The following PPM1B variants were observed in gnomAD, a reference collection of about 807,000 sequenced individuals.
PPM1B encodes protein phosphatase 1B.
In PPM1B, 22 loss-of-function variants were observed where a neutral mutation model predicts 43.0. The ratio of observed to expected loss-of-function variants is 0.51; its 90% confidence interval spans 0.37 to 0.73. PPM1B has a LOEUF of 0.73. Ranked by LOEUF, PPM1B falls within the 30% of genes least tolerant of loss-of-function variation. PPM1B has a pLI of 0.00. For missense variants in PPM1B, 632 were observed against 584.2 expected, an observed-to-expected ratio of 1.08 and a Z score of -0.84; for synonymous variants, 217 against 197.9, an observed-to-expected ratio of 1.10 and a Z score of -0.81.
intron 1 of PPM1B, among the ~76,000 whole-genome samples, chr2:44,192,190 G>GGTATTGTATT (rs147906873): frequency 0.22 from 31,147 of 143,408 alleles, 3,572 homozygotes; most frequent in East Asian, 0.26. Flanking sequence ...GTTATGTTAT[G>GGTATTGTATT]GTATTGTATT....
chr2:44,229,980 C>T (rs780125129), intron 5 of PPM1B: 1 of 1,569,216 alleles, frequency 6.4e-7, no homozygotes, highest in East Asian at 2.3e-5. Flanking sequence ...TTTTGTATTT[C>T]CTACTTATTT....
downstream of PPM1B, among the ~76,000 whole-genome samples, chr2:44,246,317 G>C (rs555028315): frequency 1.4e-4 from 22 of 152,138 alleles, no homozygotes; most frequent in African/African-American, 5.3e-4. Context: ...TTGGTGTTTT[G>C]GTTAACCTAT....
intron 1 of PPM1B, among the ~76,000 whole-genome samples, chr2:44,179,991 A>G (rs1667786129): frequency 6.7e-6 from 1 of 149,564 alleles, no homozygotes; most frequent in Non-Finnish European, 1.5e-5. Context: ...CCTGGGCAAC[A>G]AGAGCGAAAC....
intron 1 of PPM1B, among the ~76,000 whole-genome samples, chr2:44,186,904 A>C (rs1668151352): frequency 6.6e-6 from 1 of 152,242 alleles, no homozygotes; most frequent in Admixed American, 6.5e-5. Context: ...ACATAATACA[A>C]CATAACCATC....
At chr2:44,208,541 C>T (rs1669301558) in intron 2 of PPM1B, among the ~76,000 whole-genome samples, 1 of 151,928 alleles carries the variant, frequency 6.6e-6, no homozygotes, top group South Asian at 2.1e-4. Context: ...GGTGAAACCC[C>T]ATCTCTACTA....
At chr2:44,199,322 A>AT (rs1668818497) in intron 1 of PPM1B, among the ~76,000 whole-genome samples, 1 of 98,324 alleles carries the variant, frequency 1.0e-5, no homozygotes, top group African/African-American at 4.4e-5. Flanking sequence ...AAAAAATAAA[A>AT]ATAAAAAAAA....
In PPM1B at chr2:44,230,450, A is replaced by C; in HGVS notation, c.1172A>C (p.Lys391Thr). 2 of 1,614,180 alleles carry C rather than the reference A, an allele frequency of 1.2e-6. No individual in the cohort carries two copies. The highest frequency in any genetic ancestry group is 1.7e-6 in the Non-Finnish European group (2 of 1,180,014). ...DEAEESGSQG[K>T]LVEALRQMRI... is the part of the protein sequence containing the mutation. ...GCAGAGGAAAGTGGATCACAGGGAA[A>C]ATTGGTGGAAGCTCTCAGGCAAATG... Residue 391 changes from lysine (K) to threonine (T), a missense_variant, in exon 6 of 6, where the codon AAA becomes ACA. This residue lies in a region of PPM1B where 392 missense variants were observed against 302.7 expected (regional missense o/e 1.29). Transcript: ENST00000282412.
chr2:44,245,527 TCA>T (rs1319262542), downstream of PPM1B, among the ~76,000 whole-genome samples: 2 of 152,178 alleles, frequency 1.3e-5, no homozygotes, highest in Non-Finnish European at 2.9e-5. Flanking sequence ...TTGATCTGAG[TCA>T]CATATGCTAA....
chr2:44,223,385 G>A (rs7609313), intron 5 of PPM1B, among the ~76,000 whole-genome samples: 37,792 of 151,956 alleles, frequency 0.25, 5,758 homozygotes, highest in African/African-American at 0.43. Flanking sequence ...TACTTTAAAC[G>A]GATAAATGCA....
rs1255992393 is a variant in PPM1B, at chr2:44,231,327, GAAA to G, written c.*612_*614del. On this transcript the variant is annotated 3_prime_UTR_variant, in exon 6 of 6. Transcript: ENST00000282412. Reference sequence around the variant, plus strand: ...GTATTCTTTATGAAACATAACTTTTGAAAAACCTATGTATTATTCATACAGCTT... The same window carrying G: ...GTATTCTTTATGAAACATAACTTTTGAACCTATGTATTATTCATACAGCTT... The G allele has an allele frequency of 1.0e-6, 1 of 979,762 alleles. No individual in the cohort carries two copies. The highest frequency in any genetic ancestry group is 1.2e-6 in the Non-Finnish European group (1 of 825,042). 60.7% of individuals were successfully genotyped at this position (979,762 alleles called of 1,614,324 possible).
intron 1 of PPM1B, among the ~76,000 whole-genome samples, chr2:44,180,445 A>G (rs1667820098): frequency 6.6e-6 from 1 of 152,204 alleles, no homozygotes; most frequent in Non-Finnish European, 1.5e-5. Context: ...CAGCAGAAAT[A>G]AAATTGCTGG....
intron 3 of PPM1B, chr2:44,213,718 A>G (rs1041408235): frequency 6.6e-6 from 1 of 152,184 alleles, no homozygotes; most frequent in Admixed American, 6.5e-5. Flanking sequence ...TTGAGTTTCA[A>G]TGAGTCCTGC....
chr2:44,218,637 T>A, intron 5 of PPM1B, 100 bp downstream of exon 5: 10 of 815,860 alleles, frequency 1.2e-5, no homozygotes, highest in South Asian at 3.5e-5. Flanking sequence ...TAAATTATAG[T>A]CTGTAGTAAA....
intron 1 of PPM1B, among the ~76,000 whole-genome samples, chr2:44,200,574 A>G (rs1204642836): frequency 6.6e-6 from 1 of 152,200 alleles, no homozygotes; most frequent in African/African-American, 2.4e-5. Context: ...TTATAGATAT[A>G]TAGTAAAAGT....
At chr2:44,237,112 C>T (rs1670643305), downstream of PPM1B, among the ~76,000 whole-genome samples, 1 of 152,194 alleles carries the variant, frequency 6.6e-6, no homozygotes, top group Non-Finnish European at 1.5e-5. Flanking sequence ...AGAAAATGCA[C>T]TGAAATGAAG....
At chr2:44,206,320 G>A (rs1669186726) in intron 2 of PPM1B, among the ~76,000 whole-genome samples, 1 of 152,160 alleles carries the variant, frequency 6.6e-6, no homozygotes, top group African/African-American at 2.4e-5. Flanking sequence ...ACAAAGGAAA[G>A]GACCTTTTCT....
At chr2:44,234,652 T>C (rs1464376357), downstream of PPM1B, 2 of 979,814 alleles carry the variant, frequency 2.0e-6, no homozygotes, top group African/African-American at 1.8e-5. Context: ...CTGAATTTCC[T>C]AGCCTGGCTA....
intron 1 of PPM1B, among the ~76,000 whole-genome samples, chr2:44,171,548 G>GGCCAGGT (rs1168414230): frequency 1.6e-4 from 24 of 152,254 alleles, no homozygotes; most frequent in Admixed American, 9.2e-4. Flanking sequence ...AGGCTATATA[G>GGCCAGGT]GCCAGGTGCG....
intron 5 of PPM1B, 25 bp downstream of exon 5, chr2:44,218,562 C>T: frequency 1.4e-6 from 2 of 1,474,260 alleles, no homozygotes; most frequent in Non-Finnish European, 9.3e-7. Context: ...ATTTCATAAG[C>T]ATTTGAAGTA....
Sources: allele counts gnomAD v4.1 joint callset (sites outside exome capture counted in the v4.1 genomes callset), GRCh38; gene constraint gnomAD v4.1.1; regional missense constraint gnomAD v4.1.1; transcripts MANE v1.5; gene names NCBI Gene and HGNC (gene_info 2026-07-23, HGNC 2026-07-21).